Variants in GALNT13 observed in about 807,000 individuals in gnomAD.
GALNT13 encodes polypeptide N-acetylgalactosaminyltransferase 13.
A neutral mutation model predicts 64.2 loss-of-function variants in GALNT13; 28 were observed. That is an observed-to-expected ratio of 0.44 (90% CI 0.32 to 0.60). The LOEUF is 0.60. Among genes scored for constraint, GALNT13 ranks in the 20% least tolerant of loss-of-function variants. The pLI is 0.05. For missense variants in GALNT13, 577 were observed against 669.8 expected (o/e 0.86, Z 1.53); for synonymous variants, 214 against 224.6 (o/e 0.95, Z 0.42).
chr2:154,338,350 T>C (rs1170948925), intron 9 of GALNT13, among the ~76,000 whole-genome samples: 4 of 148,488 alleles, frequency 2.7e-5, no homozygotes, highest in East Asian at 1.9e-4. Flanking sequence ...TTGTTTTTTT[T>C]CCCTACTTTT....
At chr2:153,630,787 ATATATATATATATATATATATTTTTTTT>A in the GALNT13 span, among the ~76,000 whole-genome samples, 1 of 10,708 alleles carries the variant, frequency 9.3e-5, no homozygotes, top group South Asian at 7.5e-3. Flanking sequence ...ATATATATAT[ATATATATATATATATATATATTTTTTTT>A]TTTTTTTTTA....
At chr2:154,129,917 A>G (rs914129484) in intron 3 of GALNT13, among the ~76,000 whole-genome samples, 1 of 152,008 alleles carries the variant, frequency 6.6e-6, no homozygotes, top group African/African-American at 2.4e-5. Flanking sequence ...GCTACTGCTC[A>G]TGGTTTAGTT....
rs917422835 is a variant in GALNT13, at chr2:154,451,823, T to A, written c.*1272T>A. The A allele has an allele frequency of 1.3e-5, 2 of 152,236 alleles. No individual in the cohort carries two copies. The highest frequency in any genetic ancestry group is 6.6e-5 in the Admixed American group (1 of 15,252). 9.4% of individuals were successfully genotyped at this position (152,236 alleles called of 1,614,324 possible). Reference sequence around the variant, plus strand: ...ATTTTAAATGCTCAAAGAGTTGCCCTATATATGCATGTTATCCATTATAAA... The same window carrying A: ...ATTTTAAATGCTCAAAGAGTTGCCCAATATATGCATGTTATCCATTATAAA... On this transcript the variant is annotated 3_prime_UTR_variant, in exon 13 of 13. Coordinates refer to ENST00000392825, the MANE Select transcript of GALNT13 (RefSeq NM_052917.4).
At chr2:154,062,997 A>C (rs948430454) in intron 3 of GALNT13, among the ~76,000 whole-genome samples, 1 of 152,074 alleles carries the variant, frequency 6.6e-6, no homozygotes, top group African/African-American at 2.4e-5. Flanking sequence ...AGGATTCCTA[A>C]TTCAAGAGTA....
the GALNT13 span, among the ~76,000 whole-genome samples, chr2:153,166,342 A>C: frequency 0.76 from 115,272 of 152,126 alleles, 44,416 homozygotes; most frequent in African/African-American, 0.9. Context: ...CTATGGACTA[A>C]TTTCCTGGTT....
chr2:154,065,805 C>T lies in GALNT13; in HGVS notation c.143-74532C>T, dbSNP rs143280649. ...TGAAGGCTACAATTAATTCTGAATTCTGTAATGCCCAGACACTGACAAATA... is the reference window on the plus strand; with the variant it reads ...TGAAGGCTACAATTAATTCTGAATTTTGTAATGCCCAGACACTGACAAATA... On this transcript the variant is annotated intron_variant, in intron 3 of 12. Transcript: ENST00000392825. 3.9e-3 allele frequency among the ~76,000 whole-genome samples: 589 copies of T among 152,254 alleles called. 2 individuals are homozygous for T. Among genetic ancestry groups the T allele is most frequent in the African/African-American group, 0.014 (564 of 41,542 alleles).
At chr2:153,275,353 G>A in the GALNT13 span, among the ~76,000 whole-genome samples, 1 of 152,144 alleles carries the variant, frequency 6.6e-6, no homozygotes, top group Non-Finnish European at 1.5e-5. Flanking sequence ...ACGGTATTAA[G>A]AGGAAAGGTC....
At chr2:153,637,880 T>C in the GALNT13 span, among the ~76,000 whole-genome samples, 3 of 152,214 alleles carry the variant, frequency 2.0e-5, no homozygotes, top group Non-Finnish European at 4.4e-5. Context: ...GCAAATACTA[T>C]GTTTATTCAT....
the GALNT13 span, among the ~76,000 whole-genome samples, chr2:153,726,440 T>C: frequency 6.6e-6 from 1 of 152,178 alleles, no homozygotes; most frequent in Non-Finnish European, 1.5e-5. Flanking sequence ...AAAATATGAC[T>C]TTGTGAGGCA....
the GALNT13 span, among the ~76,000 whole-genome samples, chr2:153,720,575 A>C: frequency 9.3e-5 from 14 of 150,188 alleles, no homozygotes; most frequent in East Asian, 1.2e-3. Flanking sequence ...AAAATTTAGA[A>C]GAATGTATAA....
intron 3 of GALNT13, among the ~76,000 whole-genome samples, chr2:154,050,615 G>C (rs1249738758): frequency 6.6e-6 from 1 of 151,960 alleles, no homozygotes; most frequent in South Asian, 2.1e-4. Context: ...CAACTCAAGG[G>C]GGGAATAATA....
At chr2:153,988,061 T>TACAC (rs879271680) in intron 3 of GALNT13, among the ~76,000 whole-genome samples, 75 of 113,496 alleles carry the variant, frequency 6.6e-4, no homozygotes, top group Admixed American at 1.2e-3. Context: ...AGGTGACATA[T>TACAC]ATATATATAT....
chr2:154,279,804 A>C (rs1260150304), intron 8 of GALNT13, among the ~76,000 whole-genome samples: 1 of 152,128 alleles, frequency 6.6e-6, no homozygotes, highest in Non-Finnish European at 1.5e-5. Flanking sequence ...TAATTTTTTT[A>C]ATAAAAAACT....
the GALNT13 span, among the ~76,000 whole-genome samples, chr2:153,298,756 A>G: frequency 1.3e-5 from 2 of 152,160 alleles, no homozygotes; most frequent in Non-Finnish European, 2.9e-5. Context: ...AACCAAACCC[A>G]AGGAATAACT....
At chr2:153,751,728 A>T in the GALNT13 span, among the ~76,000 whole-genome samples, 2 of 151,456 alleles carry the variant, frequency 1.3e-5, no homozygotes, top group Non-Finnish European at 3.0e-5. Context: ...TTTTTATGTA[A>T]AGTGTATTTA....
At chr2:153,294,083 A>G in the GALNT13 span, among the ~76,000 whole-genome samples, 10 of 152,082 alleles carry the variant, frequency 6.6e-5, no homozygotes, top group Non-Finnish European at 1.5e-4. Context: ...TTGACTTCCC[A>G]GAGTGCTGGG....
the GALNT13 span, among the ~76,000 whole-genome samples, chr2:153,168,453 A>G: frequency 6.6e-6 from 1 of 152,210 alleles, no homozygotes; most frequent in Non-Finnish European, 1.5e-5. Flanking sequence ...TGTGGTACAC[A>G]AAATTATAAT....
At chr2:153,851,803 A>C in the GALNT13 span, among the ~76,000 whole-genome samples, 29 of 152,214 alleles carry the variant, frequency 1.9e-4, no homozygotes, top group African/African-American at 7.0e-4. Flanking sequence ...TCATTTTCTT[A>C]GTTAAAAAAA....
intron 3 of GALNT13, among the ~76,000 whole-genome samples, chr2:153,956,429 T>C (rs1466516044): frequency 2.0e-5 from 3 of 152,226 alleles, no homozygotes; most frequent in African/African-American, 7.2e-5. Flanking sequence ...AATACTTCCA[T>C]ACATTCTCCT....
Sources: allele counts gnomAD v4.1 joint callset (sites outside exome capture counted in the v4.1 genomes callset), GRCh38; gene constraint gnomAD v4.1.1; transcripts MANE v1.5; gene names NCBI Gene and HGNC (gene_info 2026-07-23, HGNC 2026-07-21).